HIVEP3: variants seen among roughly 807,000 people sequenced by gnomAD.
HIVEP3 encodes HIVEP zinc finger 3, also known as transcription factor HIVEP3.
Under a neutral mutation model 152.8 loss-of-function variants are expected in HIVEP3, and 49 were observed. The observed-to-expected ratio is 0.32, with a 90% CI of 0.26 to 0.41. HIVEP3 has a LOEUF of 0.41. Among genes scored for constraint, HIVEP3 ranks in the 10% least tolerant of loss-of-function variants. The pLI, the probability that HIVEP3 is intolerant of heterozygous loss-of-function variation, is 1.00. For synonymous variants in HIVEP3, 1,269 were observed against 1,289.0 expected, an observed-to-expected ratio of 0.98 and a Z score of 0.33; for missense variants, 2,790 against 3,103.3, an observed-to-expected ratio of 0.90 and a Z score of 2.40.
At chr1:41,927,710 A>G (rs1644975052) in intron 1 of HIVEP3, among the ~76,000 whole-genome samples, 1 of 152,194 alleles carries the variant, frequency 6.6e-6, no homozygotes, top group Non-Finnish European at 1.5e-5. Context: ...AGTCCACAAA[A>G]GCAAGGAGAA....
intron 2 of HIVEP3, among the ~76,000 whole-genome samples, chr1:41,673,635 T>A (rs930908655): frequency 3.3e-5 from 5 of 152,184 alleles, no homozygotes; most frequent in Admixed American, 3.3e-4. Context: ...TCTAAGCATT[T>A]TTTTTCTTTC....
intron 2 of HIVEP3, among the ~76,000 whole-genome samples, chr1:41,645,152 C>T (rs1645439911): frequency 2.6e-5 from 4 of 152,146 alleles, no homozygotes; most frequent in Non-Finnish European, 2.9e-5. Context: ...CTATCCCAGG[C>T]CTCCAAGCCC....
intron 1 of HIVEP3, among the ~76,000 whole-genome samples, chr1:41,973,864 A>G (rs986628094): frequency 6.6e-5 from 10 of 152,214 alleles, no homozygotes; most frequent in Non-Finnish European, 1.3e-4. Flanking sequence ...CACCAGCATC[A>G]ATGCTGGAGG....
At chr1:41,727,688 T>C (rs969498149) in intron 1 of HIVEP3, among the ~76,000 whole-genome samples, 1 of 152,184 alleles carries the variant, frequency 6.6e-6, no homozygotes, top group Non-Finnish European at 1.5e-5. Flanking sequence ...GCTCCGTCAC[T>C]TTGGGCCAGA....
At chr1:41,574,669 T>C (rs1644301064) in intron 5 of HIVEP3, among the ~76,000 whole-genome samples, 2 of 152,292 alleles carry the variant, frequency 1.3e-5, no homozygotes, top group South Asian at 2.1e-4. Context: ...CCCCAGCTCA[T>C]GGGGACTGTC....
intron 1 of HIVEP3, among the ~76,000 whole-genome samples, chr1:41,992,232 T>C (rs1462195409): frequency 2.0e-5 from 3 of 152,074 alleles, no homozygotes; most frequent in South Asian, 4.2e-4. Context: ...GATGACATGA[T>C]TGTATATCTA....
intron 5 of HIVEP3, chr1:41,542,457 C>T (rs982044390): frequency 2.0e-5 from 3 of 152,330 alleles, no homozygotes; most frequent in African/African-American, 4.8e-5. Context: ...GGGTCCGAGG[C>T]GCAGGAAGCT....
chr1:41,880,035 C>T (rs1209643156), intron 1 of HIVEP3, among the ~76,000 whole-genome samples: 1 of 152,126 alleles, frequency 6.6e-6, no homozygotes, highest in Non-Finnish European at 1.5e-5. Context: ...CCCAAAGAGG[C>T]TAATTAGCTT....
chr1:41,664,116 C>T lies in HIVEP3; in HGVS notation c.-720-35169G>A, dbSNP rs1355178285. 6.6e-6 allele frequency among the ~76,000 whole-genome samples: 1 copy of T among 152,210 alleles called. No homozygotes were observed. The highest frequency in any genetic ancestry group is 1.5e-5 in the Non-Finnish European group (1 of 68,042). On this transcript the variant is annotated intron_variant, in intron 2 of 8. Coordinates refer to ENST00000372583, the MANE Select transcript of HIVEP3 (RefSeq NM_024503.5). This position sits in a 1 kb window ranked among gnomAD's most constrained non-coding sequence, Gnocchi z 4.4. ...TGTCTTCTCCACCCCCTCCAGCTGT[C>T]CTTCACACCCTGAATCCAAGCCTGC...
intron 2 of HIVEP3, among the ~76,000 whole-genome samples, chr1:41,657,892 C>G (rs1164643980): frequency 6.6e-6 from 1 of 152,292 alleles, no homozygotes; most frequent in South Asian, 2.1e-4. Context: ...AGATGGAAGG[C>G]CTGCCTGACT....
chr1:41,524,402 A>G (rs1438112521), intron 6 of HIVEP3, among the ~76,000 whole-genome samples: 1 of 152,188 alleles, frequency 6.6e-6, no homozygotes, highest in Non-Finnish European at 1.5e-5. Context: ...CTCAGGAGAC[A>G]TGCAGAAGGG....
intron 1 of HIVEP3, chr1:41,848,953 T>C (rs1643518804): frequency 6.6e-6 from 1 of 152,400 alleles, no homozygotes; most frequent in Admixed American, 6.5e-5. Context: ...CAAGCACCAG[T>C]GTCCTCAACC....
intron 1 of HIVEP3, among the ~76,000 whole-genome samples, chr1:41,958,856 A>G (rs1645154394): frequency 6.6e-6 from 1 of 152,198 alleles, no homozygotes; most frequent in African/African-American, 2.4e-5. Context: ...GGGCTTGGGT[A>G]AAACTAGATT....
At chr1:41,781,947 C>A (rs565865906) in intron 1 of HIVEP3, among the ~76,000 whole-genome samples, 20 of 152,318 alleles carry the variant, frequency 1.3e-4, no homozygotes, top group African/African-American at 4.8e-4. Flanking sequence ...GCCTTCCACC[C>A]ATACCAGAAA....
intron 1 of HIVEP3, among the ~76,000 whole-genome samples, chr1:41,985,492 G>C (rs1645317146): frequency 6.6e-6 from 1 of 152,200 alleles, no homozygotes; most frequent in African/African-American, 2.4e-5. Flanking sequence ...TCACATGCCA[G>C]AGAGAGAGGA....
At position 41,575,602 on chromosome 1, in the gene HIVEP3, C is replaced by T; in HGVS notation, c.5149G>A (p.Glu1717Lys). The T allele has an allele frequency of 6.2e-7, 1 of 1,614,096 alleles. No individual in the cohort carries two copies. The change falls in exon 5 of 9, where the codon GAG becomes AAG. Residue 1717 changes from glutamate (E) to lysine (K), a missense_variant. Glu to Lys is a moderately conservative substitution (Grantham distance 56). This residue lies in a region of HIVEP3 where 1,078 missense variants were observed against 1,165.3 expected (regional missense o/e 0.93). Transcript: ENST00000372583. ...KEEERRGEPE[E>K]DAPASQRGEP... ...CCTCTCTGGGAGGCAGGAGCATCCTCCTCCGGCTCCCCTCTCCTCTCTTCT... is the reference window on the plus strand; with the variant it reads ...CCTCTCTGGGAGGCAGGAGCATCCTTCTCCGGCTCCCCTCTCCTCTCTTCT...
In HIVEP3 at chr1:41,753,729, G is replaced by A. The variant is rs148518252; in HGVS notation, c.-800-52734C>T. ...AATAAAAATAGAAAACAATGGAAGC[G>A]TTTCTAATGAGGGGCTGTTTACTAG... On this transcript the variant is annotated intron_variant, in intron 1 of 8. Coordinates refer to ENST00000372583, the MANE Select transcript of HIVEP3 (RefSeq NM_024503.5). Among the ~76,000 whole-genome samples the A allele has an allele frequency of 7.6e-3, 1,119 of 147,914 alleles. 8 individuals carry two copies. The highest frequency in any genetic ancestry group is 0.024 in the African/African-American group (976 of 40,834).
intron 1 of HIVEP3, among the ~76,000 whole-genome samples, chr1:41,793,893 G>A (rs1649838397): frequency 6.6e-6 from 1 of 152,100 alleles, no homozygotes; most frequent in Non-Finnish European, 1.5e-5. Context: ...AACATTTTTT[G>A]TGTTTGTCAC....
chr1:41,524,859 T>C lies in HIVEP3; in HGVS notation c.5259A>G (p.Lys1753=), dbSNP rs369110629. The change falls in exon 6 of 9, where the codon AAA becomes AAG. Residue 1753 remains lysine (K), a synonymous_variant. Coordinates refer to ENST00000372583, the MANE Select transcript of HIVEP3 (RefSeq NM_024503.5). Reference sequence around the variant, plus strand: ...GAATTCCACACTCCTCACAAACATATTTCCCTCGGCCGCGGCCTCGCACAT... The same window carrying C: ...GAATTCCACACTCCTCACAAACATACTTCCCTCGGCCGCGGCCTCGCACAT... The part of the protein sequence containing the change: ...YVYVRGRGRG[K]YVCEECGIRC... 1.2e-5 allele frequency: 20 copies of C among 1,614,034 alleles called. No homozygotes were observed. The highest frequency in any genetic ancestry group is 1.7e-5 in the Non-Finnish European group (20 of 1,180,008).
Sources: gnomAD v4.1 joint callset for allele counts (sites outside exome capture counted in the v4.1 genomes callset) on GRCh38, gnomAD v4.1.1 for gene constraint, gnomAD v4.1.1 regional missense constraint, Gnocchi (gnomAD v3.1) non-coding constraint, MANE v1.5 for transcripts, NCBI Gene and HGNC (gene_info 2026-07-23, HGNC 2026-07-21) for gene names.